BMPR1B: variants seen among roughly 807,000 people sequenced by gnomAD.
The protein encoded by BMPR1B is bone morphogenetic protein receptor type 1B.
A neutral mutation model predicts 59.1 loss-of-function variants in BMPR1B; 12 were observed. The observed-to-expected ratio is 0.20, with a 90% CI of 0.13 to 0.33. The LOEUF is 0.33. Among genes scored for constraint, BMPR1B ranks in the 10% least tolerant of loss-of-function variants. The pLI, the probability that BMPR1B is intolerant of heterozygous loss-of-function variation, is 1.00. For missense variants in BMPR1B, 550 were observed against 610.9 expected (o/e 0.90, Z 1.05); for synonymous variants, 237 against 207.3 (o/e 1.14, Z -1.23).
chr4:94,828,835 C>G (rs1024002461), intron 1 of BMPR1B, among the ~76,000 whole-genome samples: 4 of 151,988 alleles, frequency 2.6e-5, no homozygotes, highest in African/African-American at 4.8e-5. Context: ...CATGTGAGAA[C>G]CACTGCACTA....
intron 1 of BMPR1B, among the ~76,000 whole-genome samples, chr4:94,770,182 G>GTTTTTTTT (rs1215939344): frequency 0.027 from 1,046 of 39,040 alleles, 68 homozygotes; most frequent in South Asian, 0.046. Flanking sequence ...TCGTTTCTGT[G>GTTTTTTTT]TTTGTTTTTT....
intron 2 of BMPR1B, among the ~76,000 whole-genome samples, chr4:94,946,226 G>T (rs1484237574): frequency 6.6e-6 from 1 of 152,030 alleles, no homozygotes; most frequent in Non-Finnish European, 1.5e-5. Flanking sequence ...TCAGATCTTT[G>T]TAGTTTTTCG....
At chr4:95,088,261 G>A (rs1729735715) in intron 3 of BMPR1B, among the ~76,000 whole-genome samples, 1 of 152,102 alleles carries the variant, frequency 6.6e-6, no homozygotes, top group African/African-American at 2.4e-5. Flanking sequence ...ATCAGCTAGA[G>A]TCTCCATGTC....
chr4:95,144,589 G>A (rs957077791), intron 10 of BMPR1B, among the ~76,000 whole-genome samples: 1 of 151,638 alleles, frequency 6.6e-6, no homozygotes, highest in African/African-American at 2.4e-5. Flanking sequence ...TCCTCAAATT[G>A]TATTTCCTTC....
Position 94,777,338 on chromosome 4 carries a change from C to A in BMPR1B, c.-183+19270C>A, listed in dbSNP as rs192764055. The stretch of plus-strand genomic sequence containing the variant: ...GAAAGTAGTTTTGAATAGGTGAGAA[C>A]CTGCTTCATGTTATTTTTATTTAAA... On this transcript the variant is annotated intron_variant, in intron 1 of 12. Transcript: ENST00000515059. 3.9e-4 allele frequency among the ~76,000 whole-genome samples: 60 copies of A among 152,004 alleles called. No individual in the cohort carries two copies. The East Asian group carries it at 9.5e-3, about 24-fold the overall frequency.
At chr4:94,874,818 G>A (rs375419686) in intron 1 of BMPR1B, among the ~76,000 whole-genome samples, 10 of 151,732 alleles carry the variant, frequency 6.6e-5, no homozygotes, top group African/African-American at 2.2e-4. Flanking sequence ...ATGGTGAAAC[G>A]CCGTCTCTAC....
chr4:95,080,400 T>C (rs1303268445), intron 3 of BMPR1B, among the ~76,000 whole-genome samples: 1 of 152,160 alleles, frequency 6.6e-6, no homozygotes, highest in Non-Finnish European at 1.5e-5. Flanking sequence ...CCATGTCGGC[T>C]AATTTTTGTA....
At chr4:94,788,984 G>A (rs1337638214) in intron 1 of BMPR1B, among the ~76,000 whole-genome samples, 2 of 152,160 alleles carry the variant, frequency 1.3e-5, no homozygotes, top group Non-Finnish European at 2.9e-5. Context: ...TGAAGGCCTG[G>A]CCTTTGCCCA....
chr4:95,059,679 A>G (rs1380304921), intron 3 of BMPR1B, among the ~76,000 whole-genome samples: 4 of 152,192 alleles, frequency 2.6e-5, no homozygotes, highest in African/African-American at 9.6e-5. Context: ...TTAATGACAA[A>G]CATCTTGCAA....
At chr4:95,074,651 A>G (rs1038515231) in intron 3 of BMPR1B, among the ~76,000 whole-genome samples, 7 of 152,158 alleles carry the variant, frequency 4.6e-5, no homozygotes, top group African/African-American at 1.7e-4. Flanking sequence ...ATGCCTAAAT[A>G]TATATTCAGT....
At chr4:94,921,191 A>G (rs917396153) in intron 2 of BMPR1B, among the ~76,000 whole-genome samples, 20 of 152,216 alleles carry the variant, frequency 1.3e-4, no homozygotes, top group Admixed American at 4.6e-4. Flanking sequence ...ATATTGAAAC[A>G]GGATATTTTT....
intron 1 of BMPR1B, among the ~76,000 whole-genome samples, chr4:94,852,832 C>T (rs1351124766): frequency 6.6e-6 from 1 of 152,130 alleles, no homozygotes; most frequent in Non-Finnish European, 1.5e-5. Flanking sequence ...TTCGAAGAAA[C>T]ATATTTCTGT....
intron 1 of BMPR1B, among the ~76,000 whole-genome samples, chr4:94,837,566 T>A (rs1724874739): frequency 6.9e-6 from 1 of 144,356 alleles, no homozygotes; most frequent in African/African-American, 2.6e-5. Flanking sequence ...GTTTGTCTGT[T>A]GTTGGTGTAT....
At chr4:94,894,438 A>AAGAGAGAGAGAGAGAG (rs35163913) in intron 2 of BMPR1B, among the ~76,000 whole-genome samples, 1 of 149,386 alleles carries the variant, frequency 6.7e-6, no homozygotes. Flanking sequence ...TGGCCTTTAA[A>AAGAGAGAGAGAGAGAG]AGAGAGAGAG....
At chr4:94,841,917 A>G (rs1288930576) in intron 1 of BMPR1B, among the ~76,000 whole-genome samples, 1 of 152,088 alleles carries the variant, frequency 6.6e-6, no homozygotes, top group Non-Finnish European at 1.5e-5. Flanking sequence ...TTCCTTAGGG[A>G]GCTACTTAAA....
At chr4:94,934,978 G>A (rs1268531974) in intron 2 of BMPR1B, among the ~76,000 whole-genome samples, 2 of 152,064 alleles carry the variant, frequency 1.3e-5, no homozygotes, top group African/African-American at 4.8e-5. Flanking sequence ...ATAATAGTGT[G>A]TAGTGTGTTT....
chr4:94,765,235 ATGTG>A (rs1355195064), intron 1 of BMPR1B, among the ~76,000 whole-genome samples: 1 of 152,150 alleles, frequency 6.6e-6, no homozygotes, highest in Non-Finnish European at 1.5e-5. Flanking sequence ...GTATATATGT[ATGTG>A]TGTGTGTATC....
intron 2 of BMPR1B, among the ~76,000 whole-genome samples, chr4:94,980,991 TCACACACACACACACA>T (rs71583675): frequency 4.6e-5 from 1 of 21,772 alleles, no homozygotes; most frequent in Non-Finnish European, 1.0e-4. Context: ...CAAGACTCCA[TCACACACACACACACA>T]CACACACACA....
chr4:95,082,564 A>C (rs1356195797), intron 3 of BMPR1B, among the ~76,000 whole-genome samples: 2 of 152,170 alleles, frequency 1.3e-5, no homozygotes, highest in Non-Finnish European at 2.9e-5. Flanking sequence ...TTAATCTCCC[A>C]AACTCCATAA....
Sources: allele counts gnomAD v4.1 joint callset (sites outside exome capture counted in the v4.1 genomes callset), GRCh38; gene constraint gnomAD v4.1.1; transcripts MANE v1.5; gene names NCBI Gene and HGNC (gene_info 2026-07-23, HGNC 2026-07-21).